ADAMTS20: variants seen among roughly 807,000 people sequenced by gnomAD.
The protein encoded by ADAMTS20 is ADAM metallopeptidase with thrombospondin type 1 motif 20.
Under a neutral mutation model 260.1 loss-of-function variants are expected in ADAMTS20, and 225 were observed. The observed-to-expected ratio is 0.87, with a 90% CI of 0.78 to 0.97. The LOEUF is 0.97. ADAMTS20 is among the 50% of genes least tolerant of loss of function. The pLI, the probability that ADAMTS20 is intolerant of heterozygous loss-of-function variation, is 0.00. For missense variants in ADAMTS20, 2,400 were observed against 2,337.7 expected (o/e 1.03, Z -0.55); for synonymous variants, 802 against 769.5 (o/e 1.04, Z -0.70).
At position 43,551,830 on chromosome 12, in the gene ADAMTS20, C is replaced by T; in HGVS notation, c.91+1G>A. ...CTGAAGGCGTCTCGCGGTGACTTTA[C>T]CTTGCCTGGGGTGGAAGTCAACTTC... On this transcript the variant is annotated splice_donor_variant, in intron 1 of 38. Coordinates refer to ENST00000389420, the MANE Select transcript of ADAMTS20 (RefSeq NM_025003.5). LOFTEE classifies it high-confidence loss of function. The surrounding 1 kb of genome is among the most constrained non-coding windows in gnomAD (Gnocchi z 4.6). 1 of 1,613,566 alleles carries T rather than the reference C, an allele frequency of 6.2e-7. No homozygotes were observed. The highest frequency in any genetic ancestry group is 8.5e-7 in the Non-Finnish European group (1 of 1,179,702).
chr12:43,438,121 T>C (rs1250604275), intron 18 of ADAMTS20, among the ~76,000 whole-genome samples: 1 of 152,132 alleles, frequency 6.6e-6, no homozygotes, highest in Non-Finnish European at 1.5e-5. Context: ...GAAATAATAG[T>C]TGCTTTTCCC....
intron 12 of ADAMTS20, among the ~76,000 whole-genome samples, chr12:43,453,394 A>C (rs1240369061): frequency 6.6e-6 from 1 of 152,188 alleles, no homozygotes; most frequent in African/African-American, 2.4e-5. Flanking sequence ...AAGCCCTTTT[A>C]AATAGTTTGA....
In ADAMTS20 at chr12:43,353,959, C is replaced by G. The variant is rs1939688267; in HGVS notation, c.*250G>C. On this transcript the variant is annotated 3_prime_UTR_variant, in exon 39 of 39. Coordinates refer to ENST00000389420, the MANE Select transcript of ADAMTS20 (RefSeq NM_025003.5). ...ATAATTCATTCAATCCTGGTATTCT[C>G]TATTATAAATTATTATGTTCTTTAA... is the stretch of plus-strand genomic sequence containing the variant. The G allele has an allele frequency of 3.4e-6, 1 of 295,800 alleles. No homozygotes were observed. The highest frequency in any genetic ancestry group is 6.5e-5 in the East Asian group (1 of 15,308). 18.3% of individuals were successfully genotyped at this position (295,800 alleles called of 1,614,324 possible).
chr12:43,366,694 C>A (rs912620572), intron 37 of ADAMTS20, among the ~76,000 whole-genome samples: 1 of 151,672 alleles, frequency 6.6e-6, no homozygotes, highest in African/African-American at 2.4e-5. Context: ...ACTCCACACT[C>A]TTAAATAACC....
intron 36 of ADAMTS20, among the ~76,000 whole-genome samples, chr12:43,371,250 T>G (rs1940101145): frequency 6.6e-6 from 1 of 152,216 alleles, no homozygotes; most frequent in Non-Finnish European, 1.5e-5. Flanking sequence ...TTTTTTTGCC[T>G]CTTTTGTTAA....
In ADAMTS20 at chr12:43,440,004, C is replaced by G; in HGVS notation, c.2356G>C (p.Glu786Gln). Residue 786 changes from glutamate (E) to glutamine (Q), a missense_variant, in exon 17 of 39, where the codon GAA (glutamate) becomes CAA (glutamine). Coordinates refer to ENST00000389420, the MANE Select transcript of ADAMTS20 (RefSeq NM_025003.5). Reference protein sequence around the residue: ...GNFLLSTSKKEINVQGTRTVI... With the variant: ...GNFLLSTSKKQINVQGTRTVI... ...GTTCTTGTTCCTTGCACATTGATTT[C>G]TTTTTTTGACGTACTTAGAAGAAAA... The G allele has an allele frequency of 6.3e-7, 1 of 1,580,328 alleles. No homozygotes were observed. The highest frequency in any genetic ancestry group is 8.6e-7 in the Non-Finnish European group (1 of 1,161,282).
chr12:43,443,936 G>T, intron 15 of ADAMTS20, 53 bp from the exon 16 acceptor site: 1 of 1,402,460 alleles, frequency 7.1e-7, no homozygotes. Flanking sequence ...ATGGCCCAGA[G>T]GTTATTACTG....
chr12:43,474,789 AC>A (rs1264944267), intron 7 of ADAMTS20, among the ~76,000 whole-genome samples: 34 of 21,122 alleles, frequency 1.6e-3, no homozygotes, highest in Admixed American at 3.2e-3. Context: ...AAATTCAACA[AC>A]CCTTCATGCT....
chr12:43,390,184 G>C (rs919008678), intron 29 of ADAMTS20, among the ~76,000 whole-genome samples: 1 of 152,204 alleles, frequency 6.6e-6, no homozygotes, highest in Admixed American at 6.5e-5. Flanking sequence ...AATCCCTGAG[G>C]AGCTTCAGAA....
chr12:43,535,972 T>A (rs1022438809), intron 2 of ADAMTS20, among the ~76,000 whole-genome samples: 1 of 152,130 alleles, frequency 6.6e-6, no homozygotes, highest in Non-Finnish European at 1.5e-5. Flanking sequence ...TCAATTTATG[T>A]AGATAGATCC....
At chr12:43,404,849 G>C (rs1940882029) in intron 28 of ADAMTS20, among the ~76,000 whole-genome samples, 1 of 151,982 alleles carries the variant, frequency 6.6e-6, no homozygotes, top group African/African-American at 2.4e-5. Flanking sequence ...AGAAAACCTA[G>C]TTTACCTTCA....
At chr12:43,415,915 G>A (rs2137279386) in intron 28 of ADAMTS20, among the ~76,000 whole-genome samples, 1 of 152,252 alleles carries the variant, frequency 6.6e-6, no homozygotes, top group Non-Finnish European at 1.5e-5. Flanking sequence ...CCTTCACACT[G>A]CAATGTGTAA....
At chr12:43,494,345 C>T (rs1028951143) in intron 4 of ADAMTS20, among the ~76,000 whole-genome samples, 6 of 152,144 alleles carry the variant, frequency 3.9e-5, no homozygotes, top group African/African-American at 1.4e-4. Context: ...GTATCACTAC[C>T]GGAGCCCTCA....
At chr12:43,439,178 T>C (rs1002162788) in intron 18 of ADAMTS20, among the ~76,000 whole-genome samples, 4 of 152,224 alleles carry the variant, frequency 2.6e-5, no homozygotes, top group African/African-American at 9.6e-5. Context: ...TATACAATTA[T>C]ACTTTCTCAT....
chr12:43,404,461 T>C (rs924413849), intron 28 of ADAMTS20, among the ~76,000 whole-genome samples: 2 of 152,142 alleles, frequency 1.3e-5, no homozygotes, highest in Non-Finnish European at 1.5e-5. Context: ...ATTTTAGCTA[T>C]AAAAATCCCT....
At chr12:43,423,405 A>G (rs10785429) in intron 28 of ADAMTS20, 94,221 of 266,272 alleles carry the variant, frequency 0.35, 18,049 homozygotes, top group East Asian at 0.74. Context: ...TCAATATCTA[A>G]TATAAAGCAT....
intron 2 of ADAMTS20, among the ~76,000 whole-genome samples, chr12:43,546,662 A>C (rs573883620): frequency 3.5e-4 from 54 of 152,316 alleles, no homozygotes; most frequent in African/African-American, 1.2e-3. Context: ...TTAGAGTTGG[A>C]TATAGGGATA....
chr12:43,506,628 C>T lies in ADAMTS20; in HGVS notation c.614-4223G>A, dbSNP rs531894245. ...CTGAGTAGCTGGGATAACAGGCGTG[C>T]GCCACCATGCCCAGCTAATTTTTGT... On this transcript the variant is annotated intron_variant, in intron 3 of 38. Coordinates refer to ENST00000389420, the MANE Select transcript of ADAMTS20 (RefSeq NM_025003.5). 4.8e-4 allele frequency among the ~76,000 whole-genome samples: 73 copies of T among 151,952 alleles called. 2 individuals are homozygous for T. The highest frequency in any genetic ancestry group is 1.6e-3 in the African/African-American group (66 of 41,472).
At chr12:43,549,604 T>C (rs1270715210) in intron 2 of ADAMTS20, among the ~76,000 whole-genome samples, 7 of 152,136 alleles carry the variant, frequency 4.6e-5, no homozygotes, top group Non-Finnish European at 7.4e-5. Flanking sequence ...TGGTAGCAAG[T>C]CTAGGATTTT....
Sources: gnomAD v4.1 joint callset for allele counts (sites outside exome capture counted in the v4.1 genomes callset) on GRCh38, gnomAD v4.1.1 for gene constraint, Gnocchi (gnomAD v3.1) non-coding constraint, MANE v1.5 for transcripts, NCBI Gene and HGNC (gene_info 2026-07-23, HGNC 2026-07-21) for gene names.